Variants in HEMK2 observed in about 807,000 individuals in gnomAD.
The protein encoded by HEMK2 is HemK methyltransferase 2, ETF1 glutamine and histone H4 lysine.
the HEMK2 span, among the ~76,000 whole-genome samples, chr21:28,678,807 G>A: frequency 2.0e-5 from 3 of 152,166 alleles, no homozygotes; most frequent in East Asian, 5.8e-4. Context: ...CTTCATAAGT[G>A]AAGGAGAAAT....
the HEMK2 span, among the ~76,000 whole-genome samples, chr21:28,880,718 G>A: frequency 6.6e-6 from 1 of 151,332 alleles, no homozygotes. Flanking sequence ...ACTCCAGCCT[G>A]GGCGACAGAG....
chr21:28,596,410 C>T, the HEMK2 span, among the ~76,000 whole-genome samples: 1 of 152,166 alleles, frequency 6.6e-6, no homozygotes, highest in Admixed American at 6.5e-5. Flanking sequence ...CTCAGTATTA[C>T]AACAAATAAC....
At chr21:28,865,931 C>G in the HEMK2 span, among the ~76,000 whole-genome samples, 1 of 151,730 alleles carries the variant, frequency 6.6e-6, no homozygotes, top group Admixed American at 6.6e-5. Flanking sequence ...TTTTTTGAAA[C>G]ACGGTCTCAC....
At chr21:28,801,540 C>T in the HEMK2 span, among the ~76,000 whole-genome samples, 2 of 151,646 alleles carry the variant, frequency 1.3e-5, no homozygotes, top group Non-Finnish European at 2.9e-5. Flanking sequence ...TGGACAGAAA[C>T]ATTAAAAGCC....
chr21:28,695,588 C>T, the HEMK2 span, among the ~76,000 whole-genome samples: 1 of 152,156 alleles, frequency 6.6e-6, no homozygotes, highest in African/African-American at 2.4e-5. Context: ...GACTTATTCA[C>T]TACCATGAGA....
the HEMK2 span, among the ~76,000 whole-genome samples, chr21:28,627,876 TG>T: frequency 6.6e-6 from 1 of 152,142 alleles, no homozygotes; most frequent in Non-Finnish European, 1.5e-5. Flanking sequence ...TTGCATAGGG[TG>T]TAGCCTTTGT....
chr21:28,805,647 C>T, the HEMK2 span, among the ~76,000 whole-genome samples: 3 of 152,072 alleles, frequency 2.0e-5, no homozygotes, highest in African/African-American at 7.2e-5. Flanking sequence ...TACGACTTTA[C>T]ATTGTTTTAT....
chr21:28,819,692 G>A, the HEMK2 span, among the ~76,000 whole-genome samples: 5 of 151,754 alleles, frequency 3.3e-5, no homozygotes, highest in East Asian at 1.9e-4. Context: ...GACTACAGGC[G>A]CGGGTGCCAC....
the HEMK2 span, among the ~76,000 whole-genome samples, chr21:28,764,282 T>C: frequency 6.6e-6 from 1 of 152,022 alleles, no homozygotes; most frequent in African/African-American, 2.4e-5. Flanking sequence ...TATCTGCAAG[T>C]TGTTGTGCAT....
the HEMK2 span, among the ~76,000 whole-genome samples, chr21:28,647,290 C>T: frequency 2.1e-5 from 3 of 140,664 alleles, no homozygotes; most frequent in Admixed American, 2.2e-4. Flanking sequence ...TCGAGACTAT[C>T]CTGGCCAACA....
At chr21:28,842,169 C>T in the HEMK2 span, among the ~76,000 whole-genome samples, 2 of 152,178 alleles carry the variant, frequency 1.3e-5, no homozygotes, top group African/African-American at 2.4e-5. Context: ...CAGCAACATG[C>T]ATATCAAGCA....
the HEMK2 span, among the ~76,000 whole-genome samples, chr21:28,725,323 T>G: frequency 2.6e-5 from 4 of 152,170 alleles, no homozygotes; most frequent in African/African-American, 4.8e-5. Context: ...AGATAGAAGC[T>G]GGGTGCAGGT....
the HEMK2 span, among the ~76,000 whole-genome samples, chr21:28,857,209 TA>T: frequency 4.6e-5 from 7 of 152,218 alleles, no homozygotes; most frequent in Non-Finnish European, 1.0e-4. Flanking sequence ...AAACTTTGTA[TA>T]AAGTTCTTTA....
chr21:28,841,382 AAT>A, the HEMK2 span, among the ~76,000 whole-genome samples: 1 of 34,630 alleles, frequency 2.9e-5, no homozygotes, highest in African/African-American at 1.8e-4. Context: ...TATTATATAT[AAT>A]ATATAAAATA....
the HEMK2 span, among the ~76,000 whole-genome samples, chr21:28,621,407 T>C: frequency 6.6e-6 from 1 of 152,230 alleles, no homozygotes; most frequent in Admixed American, 6.5e-5. Flanking sequence ...AGTTCTAATT[T>C]AAATCTGGGT....
the HEMK2 span, among the ~76,000 whole-genome samples, chr21:28,591,498 A>G: frequency 6.6e-6 from 1 of 152,204 alleles, no homozygotes; most frequent in Non-Finnish European, 1.5e-5. Flanking sequence ...TGCAAATAAT[A>G]TATTTTCAGA....
the HEMK2 span, among the ~76,000 whole-genome samples, chr21:28,660,457 T>C: frequency 1.9e-3 from 292 of 151,640 alleles, 1 homozygote; most frequent in Middle Eastern, 3.4e-3. Flanking sequence ...GAATTTTTTC[T>C]ATATAAACTA....
chr21:28,840,539 G>A, the HEMK2 span, among the ~76,000 whole-genome samples: 5 of 151,938 alleles, frequency 3.3e-5, no homozygotes, highest in African/African-American at 1.2e-4. Context: ...CAAAAAGTGG[G>A]ATAAAGACAT....
the HEMK2 span, among the ~76,000 whole-genome samples, chr21:28,582,271 C>T: frequency 6.6e-6 from 1 of 152,150 alleles, no homozygotes; most frequent in African/African-American, 2.4e-5. Flanking sequence ...GACGGTAGTC[C>T]AGCTCACACT....
Sources: allele counts gnomAD v4.1 joint callset (sites outside exome capture counted in the v4.1 genomes callset), GRCh38; gene constraint gnomAD v4.1.1; transcripts MANE v1.5; gene names NCBI Gene and HGNC (gene_info 2026-07-23, HGNC 2026-07-21).